RELN: variants seen among roughly 807,000 people sequenced by gnomAD.
RELN encodes reelin.
RELN carries 108 observed loss-of-function variants against 427.6 expected under a neutral mutation model. The observed-to-expected ratio is 0.25, with a 90% CI of 0.22 to 0.30. The LOEUF is 0.30. Ranked by LOEUF, RELN falls within the 10% of genes least tolerant of loss-of-function variation. The probability of loss-of-function intolerance (pLI) is 1.00; values close to 1 mark genes in which losing one functional copy is unlikely to be tolerated. For synonymous variants in RELN, 1,524 were observed against 1,513.4 expected, an observed-to-expected ratio of 1.01 and a Z score of -0.16; for missense variants, 3,715 against 4,302.8, an observed-to-expected ratio of 0.86 and a Z score of 3.82.
At chr7:103,694,467 A>AGAAGATGAT (rs150602920) in intron 10 of RELN, among the ~76,000 whole-genome samples, 1 of 148,686 alleles carries the variant, frequency 6.7e-6, no homozygotes, top group African/African-American at 2.5e-5. Context: ...CAGTTAAATG[A>AGAAGATGAT]GATGATGATG....
intron 11 of RELN, among the ~76,000 whole-genome samples, chr7:103,670,861 C>A (rs1389252939): frequency 6.6e-6 from 1 of 151,980 alleles, no homozygotes; most frequent in Non-Finnish European, 1.5e-5. Flanking sequence ...TGGAACATTT[C>A]ATATTTTCTA....
At position 103,572,252 on chromosome 7, in the gene RELN, T is replaced by A. The variant is rs977784275; in HGVS notation, c.4520A>T (p.Gln1507Leu). 5.8e-6 allele frequency: 9 copies of A among 1,560,176 alleles called. No individual in the cohort carries two copies. The highest frequency in any genetic ancestry group is 8.0e-6 in the Non-Finnish European group (9 of 1,131,040). The change falls in exon 31 of 65, where the codon CAA (glutamine) becomes CTA (leucine). Residue 1507 changes from glutamine (Q) to leucine (L), a missense_variant. This residue lies in a region of RELN where 2,208 missense variants were observed against 2,361.7 expected (regional missense o/e 0.93). Transcript: ENST00000428762. ...PLDTRNIRLVQFYIQIGSKTS... is the reference protein window; with the variant it reads ...PLDTRNIRLVLFYIQIGSKTS... ...TTTGCTTCCAATTTGTATATAAAAT[T>A]GAACAAGTCTGGGGAATAAAAACTT...
intron 63 of RELN, 152 bp from the exon 64 acceptor site, chr7:103,478,546 G>T: frequency 1.5e-6 from 1 of 669,060 alleles, no homozygotes; most frequent in Non-Finnish European, 2.7e-6. Context: ...AAAAATTAAA[G>T]AAGTTATTTC....
chr7:103,713,525 G>A (rs79934171), intron 8 of RELN, among the ~76,000 whole-genome samples: 1,599 of 152,206 alleles, frequency 0.011, 26 homozygotes, highest in African/African-American at 0.037. Flanking sequence ...ACTCTCAGGG[G>A]ATATTACATG....
At chr7:103,928,509 T>C (rs1005748560) in intron 1 of RELN, among the ~76,000 whole-genome samples, 6 of 152,328 alleles carry the variant, frequency 3.9e-5, no homozygotes, top group African/African-American at 1.4e-4. Context: ...ATAGACCAAC[T>C]ACAGTGATAG....
chr7:103,978,620 ATTATT>A (rs1043273718), intron 1 of RELN, among the ~76,000 whole-genome samples: 43 of 152,348 alleles, frequency 2.8e-4, no homozygotes, highest in South Asian at 4.1e-4. Context: ...CAAATCAATC[ATTATT>A]TTAATAATTG....
chr7:103,764,500 T>C (rs1313975664), intron 4 of RELN, among the ~76,000 whole-genome samples: 1 of 151,718 alleles, frequency 6.6e-6, no homozygotes. Flanking sequence ...GCTAGGGAGA[T>C]GAAAATTATA....
chr7:103,802,696 T>A (rs2116315897), intron 3 of RELN, among the ~76,000 whole-genome samples: 1 of 152,216 alleles, frequency 6.6e-6, no homozygotes, highest in South Asian at 2.1e-4. Flanking sequence ...CAAGTCTCCT[T>A]ATGAAATCAG....
At chr7:103,812,191 T>C (rs1204704766) in intron 3 of RELN, among the ~76,000 whole-genome samples, 1 of 152,044 alleles carries the variant, frequency 6.6e-6, no homozygotes, top group Non-Finnish European at 1.5e-5. Flanking sequence ...TTTCACTCCT[T>C]AGGGTGATAT....
At chr7:103,516,934 T>G (rs1829580129) in intron 49 of RELN, among the ~76,000 whole-genome samples, 1 of 152,158 alleles carries the variant, frequency 6.6e-6, no homozygotes, top group African/African-American at 2.4e-5. Flanking sequence ...TTAGCTGGAT[T>G]TATACAACTT....
chr7:103,666,492 C>G (rs1204623607), intron 11 of RELN, among the ~76,000 whole-genome samples: 1 of 152,124 alleles, frequency 6.6e-6, no homozygotes, highest in African/African-American at 2.4e-5. Context: ...TCTCTCTTAT[C>G]TCAATTGGAA....
chr7:103,590,422 G>A (rs772780933), intron 27 of RELN, among the ~76,000 whole-genome samples: 8 of 151,974 alleles, frequency 5.3e-5, no homozygotes, highest in African/African-American at 1.2e-4. Flanking sequence ...ATTAGCCAGC[G>A]TGGTGGCGGG....
intron 20 of RELN, among the ~76,000 whole-genome samples, chr7:103,613,628 G>A (rs946409893): frequency 2.0e-5 from 3 of 152,166 alleles, no homozygotes; most frequent in Non-Finnish European, 4.4e-5. Flanking sequence ...AGCTTCAAGG[G>A]TTAAATGTCT....
At chr7:103,678,862 G>C (rs769943032) in intron 11 of RELN, among the ~76,000 whole-genome samples, 1 of 152,192 alleles carries the variant, frequency 6.6e-6, no homozygotes, top group Non-Finnish European at 1.5e-5. Flanking sequence ...TTTTCTGTCT[G>C]TTTTAGCAGA....
chr7:103,726,752 T>TA (rs1790221727), intron 7 of RELN, among the ~76,000 whole-genome samples: 2 of 152,192 alleles, frequency 1.3e-5, no homozygotes, highest in South Asian at 4.1e-4. Flanking sequence ...TTAACTACAG[T>TA]AAAAAAATTA....
intron 1 of RELN, among the ~76,000 whole-genome samples, chr7:103,966,338 C>T (rs1049730753): frequency 3.9e-5 from 6 of 152,192 alleles, no homozygotes; most frequent in Non-Finnish European, 7.3e-5. Context: ...ACACACACCA[C>T]ACTCACCCAG....
chr7:103,612,640 C>A (rs1474469556), intron 20 of RELN, among the ~76,000 whole-genome samples: 3 of 152,110 alleles, frequency 2.0e-5, no homozygotes, highest in Non-Finnish European at 1.5e-5. Flanking sequence ...TTTGCAGTAG[C>A]TGTGTTTGGT....
rs540905474 is a variant in RELN, at chr7:103,551,923, C to CTGTG, written c.6073-631_6073-628dup. ...ATCTATCACCTTCCATAGTTACCTT[C>CTGTG]TGTGTGTGTGTGTGGGTGTGTGTGT... On this transcript the variant is annotated intron_variant, in intron 40 of 64. Coordinates refer to ENST00000428762, the MANE Select transcript of RELN (RefSeq NM_005045.4). 3.1e-4 allele frequency among the ~76,000 whole-genome samples: 41 copies of CTGTG among 130,960 alleles called. No homozygotes were observed. In the Middle Eastern group the frequency reaches 0.013, roughly 40 times the overall value. The allele number at this position is 130,960 out of a possible 152,430, so 85.9% of individuals were successfully genotyped here.
chr7:103,507,472 C>T, intron 51 of RELN, among the ~76,000 whole-genome samples: 1 of 152,134 alleles, frequency 6.6e-6, no homozygotes. Context: ...TAAAGATGTT[C>T]TTTGAAACCA....
Sources: gnomAD v4.1 joint callset for allele counts (sites outside exome capture counted in the v4.1 genomes callset) on GRCh38, gnomAD v4.1.1 for gene constraint, gnomAD v4.1.1 regional missense constraint, MANE v1.5 for transcripts, NCBI Gene and HGNC (gene_info 2026-07-23, HGNC 2026-07-21) for gene names.